The following SPRY3 variants were observed in gnomAD, a reference collection of about 807,000 sequenced individuals.
SPRY3 encodes the protein sprouty RTK signaling antagonist 3, also known as protein sprouty homolog 3.
Under a neutral mutation model 20.2 loss-of-function variants are expected in SPRY3, and 15 were observed. That is an observed-to-expected ratio of 0.74 (90% CI 0.50 to 1.14). The LOEUF (loss-of-function observed/expected upper bound fraction) is 1.14. Ranked by LOEUF, SPRY3 falls within the 50% of genes most tolerant of loss-of-function variation. SPRY3 has a pLI of 0.00. For synonymous variants in SPRY3, 143 were observed against 136.5 expected, an observed-to-expected ratio of 1.05 and a Z score of -0.33; for missense variants, 364 against 363.9, an observed-to-expected ratio of 1.00 and a Z score of 0.00.
chrX:155,704,325 A>C (rs1203948814), intron 2 of SPRY3, among the ~76,000 whole-genome samples: 1 of 151,858 alleles, frequency 6.6e-6, no homozygotes. Context: ...TATAATAAAG[A>C]ATCAAATATA....
chrX:155,637,062 A>T (rs1557351110), intron 1 of SPRY3, among the ~76,000 whole-genome samples: 5 of 100,084 alleles, frequency 5.0e-5, no homozygotes, highest in Non-Finnish European at 1.0e-4. Context: ...GAGGGATAGC[A>T]TTGGGAGATA....
intron 2 of SPRY3, among the ~76,000 whole-genome samples, chrX:155,668,781 C>T (rs958081313): frequency 1.8e-5 from 2 of 109,995 alleles, no homozygotes; most frequent in Admixed American, 9.8e-5. Flanking sequence ...TTCGCTTAGG[C>T]CAATCTTATA....
chrX:155,779,186 G>C (rs149660901), downstream of SPRY3: 1 of 167,002 alleles, frequency 6.0e-6, no homozygotes, highest in Non-Finnish European at 1.5e-5. Context: ...TGGGTAGTGC[G>C]TGATGGGCAC....
chrX:155,761,885 G>A (rs1475498875), intron 2 of SPRY3, among the ~76,000 whole-genome samples: 1 of 151,766 alleles, frequency 6.6e-6, no homozygotes, highest in Non-Finnish European at 1.5e-5. Flanking sequence ...GTTCCACATG[G>A]TAACACAGTC....
At chrX:155,680,306 A>G (rs2068070822) in intron 2 of SPRY3, among the ~76,000 whole-genome samples, 1 of 109,185 alleles carries the variant, frequency 9.2e-6, no homozygotes, top group African/African-American at 3.3e-5. Flanking sequence ...TAGGAGGCCA[A>G]GAAAGGTAAC....
At chrX:155,684,949 C>T (rs895263856) in intron 2 of SPRY3, among the ~76,000 whole-genome samples, 1 of 111,405 alleles carries the variant, frequency 9.0e-6, no homozygotes, top group Admixed American at 9.5e-5. Context: ...TTCTGGGCCC[C>T]GTGCTTTTGA....
intron 2 of SPRY3, among the ~76,000 whole-genome samples, chrX:155,749,141 A>G (rs1032911129): frequency 6.6e-6 from 1 of 151,962 alleles, no homozygotes; most frequent in African/African-American, 2.4e-5. Flanking sequence ...CAAAAAAGGA[A>G]GTAATCAGAG....
At chrX:155,676,753 G>A (rs782687144) in intron 2 of SPRY3, among the ~76,000 whole-genome samples, 2 of 111,982 alleles carry the variant, frequency 1.8e-5, no homozygotes, top group Non-Finnish European at 3.8e-5. Context: ...CATGGCGGAA[G>A]GTGGTGGGGA....
At chrX:155,731,643 A>G (rs1476526368) in intron 2 of SPRY3, among the ~76,000 whole-genome samples, 4 of 152,134 alleles carry the variant, frequency 2.6e-5, no homozygotes, top group Non-Finnish European at 5.9e-5. Context: ...AAACCAAAGC[A>G]AAAGTGGACA....
At chrX:155,774,219 A>C (rs200281509) in exon 4 of SPRY3, 4 of 1,613,920 alleles carry the variant, frequency 2.5e-6, no homozygotes, top group Non-Finnish European at 2.5e-6. Flanking sequence ...TCCGAACCCA[A>C]CCTGGAGCAG....
chrX:155,768,458 T>C lies in SPRY3; in HGVS notation c.-107+322T>C, dbSNP rs780578300. Among the ~76,000 whole-genome samples the C allele has an allele frequency of 3.3e-3, 504 of 152,164 alleles. 4 individuals carry two copies. The highest frequency in any genetic ancestry group is 0.011 in the African/African-American group (476 of 41,516). On this transcript the variant is annotated intron_variant, in intron 3 of 3. Coordinates refer to ENST00000675360, the Ensembl canonical transcript of SPRY3. ...GCATTTTGGTACTTGCCTAAACCCCTCAAAACGCAGCCTAACCACCCAAGC... is the reference window on the plus strand; with the variant it reads ...GCATTTTGGTACTTGCCTAAACCCCCCAAAACGCAGCCTAACCACCCAAGC...
chrX:155,738,773 C>T (rs1295619820), intron 2 of SPRY3, among the ~76,000 whole-genome samples: 2 of 152,180 alleles, frequency 1.3e-5, no homozygotes, highest in Admixed American at 1.3e-4. Context: ...AAGCACAGGG[C>T]TGTATAGAGT....
At chrX:155,683,448 ATGAT>A (rs1184940530) in intron 2 of SPRY3, among the ~76,000 whole-genome samples, 1 of 112,239 alleles carries the variant, frequency 8.9e-6, no homozygotes, top group Non-Finnish European at 1.9e-5. Context: ...GTAGGCTGGG[ATGAT>A]TGTTAGCATT....
At chrX:155,725,051 G>T (rs755791533) in intron 2 of SPRY3, among the ~76,000 whole-genome samples, 11 of 152,228 alleles carry the variant, frequency 7.2e-5, no homozygotes, top group Admixed American at 2.0e-4. Flanking sequence ...TTTGTCGAAG[G>T]ACTTTTCTGC....
chrX:155,749,006 G>A (rs1422848948), intron 2 of SPRY3, among the ~76,000 whole-genome samples: 1 of 151,860 alleles, frequency 6.6e-6, no homozygotes, highest in Non-Finnish European at 1.5e-5. Context: ...GAAATAGTAT[G>A]TGGAGAAAAC....
chrX:155,745,554 T>A (rs1291932381), intron 2 of SPRY3, among the ~76,000 whole-genome samples: 1 of 152,002 alleles, frequency 6.6e-6, no homozygotes, highest in Non-Finnish European at 1.5e-5. Context: ...GGCCTTGTCT[T>A]CCAAACAAAA....
chrX:155,769,847 A>G (rs2091370357), intron 3 of SPRY3, among the ~76,000 whole-genome samples: 1 of 152,214 alleles, frequency 6.6e-6, no homozygotes, highest in Non-Finnish European at 1.5e-5. Context: ...AGGGAGGCCC[A>G]GTCAGTGGCA....
At chrX:155,749,514 A>G (rs1366506875) in intron 2 of SPRY3, among the ~76,000 whole-genome samples, 1 of 151,806 alleles carries the variant, frequency 6.6e-6, no homozygotes, top group African/African-American at 2.4e-5. Flanking sequence ...CAAGAGCAAG[A>G]GAAAAATATT....
intron 2 of SPRY3, among the ~76,000 whole-genome samples, chrX:155,743,057 A>G (rs1210963797): frequency 1.3e-5 from 2 of 152,062 alleles, no homozygotes; most frequent in African/African-American, 4.8e-5. Flanking sequence ...AAATTAATAA[A>G]ATAGACTGCT....
Sources: gnomAD v4.1 joint callset for allele counts (sites outside exome capture counted in the v4.1 genomes callset) on GRCh38, gnomAD v4.1.1 for gene constraint, MANE v1.5 for transcripts, NCBI Gene and HGNC (gene_info 2026-07-23, HGNC 2026-07-21) for gene names.